The following SRD5A2 variants were observed in gnomAD, a reference collection of about 807,000 sequenced individuals.
SRD5A2 encodes the protein 3-oxo-5-alpha-steroid 4-dehydrogenase 2.
SRD5A2 carries 30 observed loss-of-function variants against 27.4 expected under a neutral mutation model. The ratio of observed to expected loss-of-function variants is 1.10; its 90% CI spans 0.82 to 1.49. SRD5A2 has a LOEUF of 1.49. SRD5A2 is among the 40% of genes most tolerant of loss of function. The probability of loss-of-function intolerance (pLI) is 0.00; values close to 1 mark genes in which losing one functional copy is unlikely to be tolerated. For missense variants in SRD5A2, 348 were observed against 323.4 expected, an observed-to-expected ratio of 1.08 and a Z score of -0.58; for synonymous variants, 141 against 133.6, an observed-to-expected ratio of 1.06 and a Z score of -0.38.
chr2:31,575,214 T>G (rs780268559), intron 1 of SRD5A2, among the ~76,000 whole-genome samples: 2 of 152,192 alleles, frequency 1.3e-5, no homozygotes, highest in Non-Finnish European at 2.9e-5. Flanking sequence ...ATGAGTAGTT[T>G]CCTTAGCAAG....
chr2:31,655,198 T>A, the SRD5A2 span, among the ~76,000 whole-genome samples: 3 of 152,168 alleles, frequency 2.0e-5, no homozygotes, highest in African/African-American at 7.2e-5. Flanking sequence ...GCCTCCTAGA[T>A]TCAAGTGATT....
At chr2:31,527,089 C>G (rs1214351298) in intron 4 of SRD5A2, 1 of 152,178 alleles carries the variant, frequency 6.6e-6, no homozygotes, top group Admixed American at 6.5e-5. Flanking sequence ...GGGCCTGGCC[C>G]TGCCTACGCC....
At chr2:31,586,714 C>T in the SRD5A2 span, among the ~76,000 whole-genome samples, 1 of 152,190 alleles carries the variant, frequency 6.6e-6, no homozygotes, top group Admixed American at 6.5e-5. Context: ...AAAGCAGATA[C>T]AGCATAGATC....
the SRD5A2 span, among the ~76,000 whole-genome samples, chr2:31,652,871 C>T: frequency 1.3e-5 from 2 of 152,290 alleles, no homozygotes; most frequent in South Asian, 2.1e-4. Flanking sequence ...CAAACCCAGA[C>T]TCTGTCCTTT....
At chr2:31,601,691 C>G in the SRD5A2 span, among the ~76,000 whole-genome samples, 998 of 152,196 alleles carry the variant, frequency 6.6e-3, 15 homozygotes, top group African/African-American at 0.023. Context: ...AATCCAGCAG[C>G]ACATCCAAAA....
At chr2:31,631,146 A>C in the SRD5A2 span, among the ~76,000 whole-genome samples, 4 of 152,220 alleles carry the variant, frequency 2.6e-5, no homozygotes, top group Admixed American at 6.5e-5. Context: ...ATGGGAGTGC[A>C]TCTTGATGGG....
the SRD5A2 span, among the ~76,000 whole-genome samples, chr2:31,647,682 C>T: frequency 1.5e-3 from 233 of 152,312 alleles, 1 homozygote; most frequent in Non-Finnish European, 2.5e-3. Flanking sequence ...ACAAACGCTG[C>T]TGCCAGTTTT....
At chr2:31,557,172 T>G (rs1231703089) in intron 1 of SRD5A2, among the ~76,000 whole-genome samples, 1 of 152,226 alleles carries the variant, frequency 6.6e-6, no homozygotes, top group Non-Finnish European at 1.5e-5. Flanking sequence ...ACACCCCTGG[T>G]TGCACAAGCA....
the SRD5A2 span, among the ~76,000 whole-genome samples, chr2:31,641,765 T>C: frequency 6.6e-6 from 1 of 152,014 alleles, no homozygotes; most frequent in African/African-American, 2.4e-5. Flanking sequence ...GAATTCAAGA[T>C]CCATTCCTGG....
the SRD5A2 span, among the ~76,000 whole-genome samples, chr2:31,586,711 A>C: frequency 3.3e-5 from 5 of 152,376 alleles, no homozygotes; most frequent in South Asian, 1.0e-3. Context: ...TCTAAAGCAG[A>C]TACAGCATAG....
chr2:31,596,405 A>AAAAAAAAAAAC, the SRD5A2 span, among the ~76,000 whole-genome samples: 1 of 150,736 alleles, frequency 6.6e-6, no homozygotes, highest in Non-Finnish European at 1.5e-5. Flanking sequence ...AAAAAAAAAA[A>AAAAAAAAAAAC]AAGCATTCCC....
At chr2:31,541,680 G>T (rs1024559137) in intron 1 of SRD5A2, among the ~76,000 whole-genome samples, 1 of 152,150 alleles carries the variant, frequency 6.6e-6, no homozygotes, top group Non-Finnish European at 1.5e-5. Context: ...CACTGAAGAA[G>T]GTAAGAAACA....
chr2:31,641,029 T>A, the SRD5A2 span, among the ~76,000 whole-genome samples: 2 of 152,110 alleles, frequency 1.3e-5, no homozygotes, highest in Non-Finnish European at 2.9e-5. Context: ...GTCTTATTAT[T>A]CTCCTCCCAT....
the SRD5A2 span, among the ~76,000 whole-genome samples, chr2:31,644,834 A>G: frequency 4.5e-4 from 68 of 152,376 alleles, no homozygotes; most frequent in African/African-American, 1.6e-3. Flanking sequence ...TAGGAAATAC[A>G]CACTGAAGTA....
At chr2:31,592,188 T>C in the SRD5A2 span, among the ~76,000 whole-genome samples, 6 of 151,730 alleles carry the variant, frequency 4.0e-5, no homozygotes, top group African/African-American at 1.5e-4. Flanking sequence ...ATCTCCCTTC[T>C]ACTACCGCAG....
intron 1 of SRD5A2, among the ~76,000 whole-genome samples, chr2:31,545,206 G>A (rs1444896972): frequency 1.3e-5 from 2 of 151,692 alleles, no homozygotes; most frequent in Non-Finnish European, 2.9e-5. Context: ...AGAGGAGAGA[G>A]AACACTTCCT....
chr2:31,583,663 C>CAAAAAAAAAAAAAA (rs796349594), upstream of SRD5A2, among the ~76,000 whole-genome samples: 1 of 97,226 alleles, frequency 1.0e-5, no homozygotes, highest in African/African-American at 4.4e-5. Context: ...AAAAAAAAAG[C>CAAAAAAAAAAAAAA]AAAAAAAAAA....
intron 1 of SRD5A2, among the ~76,000 whole-genome samples, chr2:31,542,164 T>C (rs1480952807): frequency 1.3e-5 from 2 of 152,184 alleles, no homozygotes; most frequent in African/African-American, 4.8e-5. Context: ...ACTCCCACCA[T>C]CTGCTTAAGG....
chr2:31,534,582 T>C (rs1665986735), intron 1 of SRD5A2, among the ~76,000 whole-genome samples: 1 of 152,266 alleles, frequency 6.6e-6, no homozygotes, highest in African/African-American at 2.4e-5. Context: ...TTTTTCTTTC[T>C]TTGTCTCTTA....
Sources: allele counts gnomAD v4.1 joint callset (sites outside exome capture counted in the v4.1 genomes callset), GRCh38; gene constraint gnomAD v4.1.1; transcripts MANE v1.5; gene names NCBI Gene and HGNC (gene_info 2026-07-23, HGNC 2026-07-21).